Variants in SLC2A12 observed in about 807,000 individuals in gnomAD.
The protein encoded by SLC2A12 is solute carrier family 2, facilitated glucose transporter member 12.
A neutral mutation model predicts 41.8 loss-of-function variants in SLC2A12; 23 were observed. The ratio of observed to expected loss-of-function variants is 0.55; its 90% CI spans 0.40 to 0.78. The LOEUF is 0.78. Among genes scored for constraint, SLC2A12 ranks in the 30% least tolerant of loss-of-function variants. SLC2A12 has a pLI of 0.00. For missense variants in SLC2A12, 654 were observed against 745.6 expected (o/e 0.88, Z 1.43); for synonymous variants, 295 against 285.9 (o/e 1.03, Z -0.32).
chr6:134,012,329 T>C (rs990040276), intron 2 of SLC2A12, among the ~76,000 whole-genome samples: 1 of 152,146 alleles, frequency 6.6e-6, no homozygotes, highest in Admixed American at 6.5e-5. Flanking sequence ...CAAAAAAATA[T>C]ACTAAGGGAA....
chr6:133,997,085 C>CAAAAAAATAAAAA (rs1776705186), intron 4 of SLC2A12, among the ~76,000 whole-genome samples: 1 of 70,716 alleles, frequency 1.4e-5, no homozygotes, highest in African/African-American at 5.5e-5. Context: ...ACTAAAAATA[C>CAAAAAAATAAAAA]AAAAAAAAAA....
At chr6:134,047,696 T>C (rs1777478427) in intron 1 of SLC2A12, among the ~76,000 whole-genome samples, 1 of 152,224 alleles carries the variant, frequency 6.6e-6, no homozygotes, top group African/African-American at 2.4e-5. Context: ...GGCTCTCAGC[T>C]GCTTCAGCAA....
chr6:134,018,989 G>A (rs1052956634), intron 2 of SLC2A12, among the ~76,000 whole-genome samples: 1 of 152,106 alleles, frequency 6.6e-6, no homozygotes, highest in African/African-American at 2.4e-5. Flanking sequence ...AGAGATCAGG[G>A]GAGGTTATTT....
intron 2 of SLC2A12, among the ~76,000 whole-genome samples, chr6:134,015,921 C>T (rs1206792689): frequency 6.6e-6 from 1 of 152,126 alleles, no homozygotes; most frequent in African/African-American, 2.4e-5. Flanking sequence ...TGATACCCAC[C>T]CTCCAATAGG....
rs762730563 is a variant in SLC2A12 at position 134,029,130 on chromosome 6, G to GCTCC, written c.691_694dup (p.Ala232GlyfsTer4). On this transcript the variant is annotated frameshift_variant, in exon 2 of 5. Transcript: ENST00000275230. LOFTEE classifies it high-confidence loss of function. Reference sequence around the variant, plus strand: ...TAACCTTCCAAGAACCTTGCTAGCAGCTCCCTCTTGTCCTTTCATCACCAG... The same window carrying GCTCC: ...TAACCTTCCAAGAACCTTGCTAGCAGCTCCCTCCCTCTTGTCCTTTCATCACCAG... 6.2e-7 allele frequency: 1 copy of GCTCC among 1,614,112 alleles called. No homozygotes were observed. Among genetic ancestry groups the GCTCC allele is most frequent in the South Asian group, 1.1e-5 (1 of 91,090 alleles).
At chr6:134,036,741 G>A (rs1777306059) in intron 1 of SLC2A12, among the ~76,000 whole-genome samples, 2 of 152,162 alleles carry the variant, frequency 1.3e-5, no homozygotes, top group Non-Finnish European at 2.9e-5. Flanking sequence ...ATAATGGTTA[G>A]CATCTAGAAC....
chr6:134,032,905 G>A (rs1777242132), intron 1 of SLC2A12, among the ~76,000 whole-genome samples: 1 of 145,884 alleles, frequency 6.9e-6, no homozygotes, highest in South Asian at 2.1e-4. Flanking sequence ...AATTTTTGGT[G>A]GTAGGAACAC....
chr6:133,991,683 C>T (rs1009861598), intron 4 of SLC2A12, among the ~76,000 whole-genome samples: 1 of 152,228 alleles, frequency 6.6e-6, no homozygotes, highest in Non-Finnish European at 1.5e-5. Flanking sequence ...TTATCCCTTA[C>T]TCCTGCATTA....
chr6:134,031,817 A>C (rs1295562734), intron 1 of SLC2A12, among the ~76,000 whole-genome samples: 1 of 152,216 alleles, frequency 6.6e-6, no homozygotes, highest in African/African-American at 2.4e-5. Flanking sequence ...GGACATATGT[A>C]TTTGGAAGCC....
At chr6:133,997,642 G>A (rs1272548935) in intron 4 of SLC2A12, among the ~76,000 whole-genome samples, 6 of 152,094 alleles carry the variant, frequency 3.9e-5, no homozygotes, top group South Asian at 2.1e-4. Context: ...ACACTGAGAC[G>A]ACTGGAGAGG....
intron 2 of SLC2A12, 22 bp downstream of exon 2, chr6:134,028,359 C>T (rs755949731): frequency 1.9e-6 from 3 of 1,576,408 alleles, no homozygotes; most frequent in South Asian, 2.4e-5. Flanking sequence ...AAAAGCAATA[C>T]ATTAAAGAAT....
chr6:134,036,350 C>T (rs547012335), intron 1 of SLC2A12, among the ~76,000 whole-genome samples: 1 of 152,178 alleles, frequency 6.6e-6, no homozygotes, highest in Non-Finnish European at 1.5e-5. Context: ...CCCTGAACGC[C>T]TTTGTTCCCA....
Position 134,052,399 on chromosome 6 carries a change from G to A in SLC2A12, c.82C>T (p.Arg28Trp). 1.2e-6 allele frequency: 2 copies of A among 1,612,998 alleles called. No individual in the cohort carries two copies. Among genetic ancestry groups the A allele is most frequent in the South Asian group, 1.1e-5 (1 of 91,078 alleles). ...TTACCTCTCGCCCAGGGAGGATGCC[G>A]GCTGCCGCTGCCCTCCGTCTCCACG... ...TAVETEGSGS[R>W]HPPWARGCGM... The change falls in exon 1 of 5, where the codon CGG becomes TGG. Residue 28 changes from arginine to tryptophan, a missense_variant. By Grantham distance (101) the Arg-to-Trp change is moderately radical. This residue lies in a region of SLC2A12 where 109 missense variants were observed against 153.0 expected (regional missense o/e 0.71). Coordinates refer to ENST00000275230, the MANE Select transcript of SLC2A12 (RefSeq NM_145176.3).
Position 134,052,580 on chromosome 6 carries a change from G to T in SLC2A12, c.-100C>A. The T allele has an allele frequency of 1.1e-6, 1 of 872,258 alleles. No homozygotes were observed. The highest frequency in any genetic ancestry group is 1.8e-6 in the Non-Finnish European group (1 of 552,690). The allele number at this position is 872,258 out of a possible 1,614,324, so 54.0% of individuals were successfully genotyped here. On this transcript the variant is annotated 5_prime_UTR_variant, in exon 1 of 5. Coordinates refer to ENST00000275230, the MANE Select transcript of SLC2A12 (RefSeq NM_145176.3). ...TTCCCCATAATAGCATGCTAAAGAAGAGTGTGGGGAAAAACTTCGGGCAAA... is the reference window on the plus strand; with the variant it reads ...TTCCCCATAATAGCATGCTAAAGAATAGTGTGGGGAAAAACTTCGGGCAAA...
In SLC2A12 at chr6:133,987,648, G is replaced by GTGTGTATATATATATATATA. The variant is rs200249148; in HGVS notation, c.*3506_*3507insTATATATATATATATACACA. 9.1e-5 allele frequency: 8 copies of GTGTGTATATATATATATATA among 88,320 alleles called. No individual in the cohort carries two copies. The highest frequency in any genetic ancestry group is 2.9e-4 in the African/African-American group (8 of 27,502). The allele number at this position is 88,320 out of a possible 1,614,324, so 5.5% of individuals were successfully genotyped here. ...TTTGTGTGTGTGTGTGTGTGTGTGTGTATATATATATATATATATGCACCA... is the reference window on the plus strand; with the variant it reads ...TTTGTGTGTGTGTGTGTGTGTGTGTGTGTGTATATATATATATATATATATATATATATATATATGCACCA... On this transcript the variant is annotated 3_prime_UTR_variant, in exon 5 of 5. Transcript: ENST00000275230.
At chr6:134,036,132 A>G (rs1178393242) in intron 1 of SLC2A12, among the ~76,000 whole-genome samples, 1 of 152,204 alleles carries the variant, frequency 6.6e-6, no homozygotes, top group Non-Finnish European at 1.5e-5. Context: ...ACTAAATCCT[A>G]CAGCCAGCTG....
rs1485346237 is a variant in SLC2A12 at position 133,989,030 on chromosome 6, A to G, written c.*2125T>C. ...GATCAATAGATAATCGAAGTGCTTT[A>G]TCTGAAGGGAGAGGGTAAAGACAGT... On this transcript the variant is annotated 3_prime_UTR_variant, in exon 5 of 5. Coordinates refer to ENST00000275230, the MANE Select transcript of SLC2A12 (RefSeq NM_145176.3). 1 of 152,148 alleles carries G rather than the reference A, an allele frequency of 6.6e-6. No homozygotes were observed. The highest frequency in any genetic ancestry group is 1.5e-5 in the Non-Finnish European group (1 of 68,020). The allele number at this position is 152,148 out of a possible 1,614,324, so 9.4% of individuals were successfully genotyped here.
chr6:134,040,553 T>C (rs1777369119), intron 1 of SLC2A12, among the ~76,000 whole-genome samples: 1 of 152,214 alleles, frequency 6.6e-6, no homozygotes, highest in Non-Finnish European at 1.5e-5. Flanking sequence ...TGTTCCCGTT[T>C]CCTCAAAGGA....
At chr6:134,038,006 T>C (rs1249126238) in intron 1 of SLC2A12, among the ~76,000 whole-genome samples, 1 of 151,928 alleles carries the variant, frequency 6.6e-6, no homozygotes, top group African/African-American at 2.4e-5. Flanking sequence ...CTAGCCACTA[T>C]CTCCCACCCC....
Sources: gnomAD v4.1 joint callset for allele counts (sites outside exome capture counted in the v4.1 genomes callset) on GRCh38, gnomAD v4.1.1 for gene constraint, gnomAD v4.1.1 regional missense constraint, MANE v1.5 for transcripts, NCBI Gene and HGNC (gene_info 2026-07-23, HGNC 2026-07-21) for gene names.